Variants in FHIT observed in about 807,000 individuals in gnomAD.
FHIT encodes fragile histidine triad diadenosine triphosphatase.
A neutral mutation model predicts 17.9 loss-of-function variants in FHIT; 19 were observed. The observed-to-expected ratio is 1.06, with a 90% CI of 0.74 to 1.56. FHIT has a LOEUF of 1.56. Among genes scored for constraint, FHIT ranks in the 40% most tolerant of loss-of-function variants. The pLI, the probability that FHIT is intolerant of heterozygous loss-of-function variation, is 0.00. For missense variants in FHIT, 248 were observed against 189.2 expected, an observed-to-expected ratio of 1.31 and a Z score of -1.82; for synonymous variants, 81 against 69.7, an observed-to-expected ratio of 1.16 and a Z score of -0.81.
intron 5 of FHIT, among the ~76,000 whole-genome samples, chr3:60,435,669 G>A (rs549724095): frequency 6.6e-6 from 1 of 152,002 alleles, no homozygotes; most frequent in Non-Finnish European, 1.5e-5. Context: ...CTTTTATATT[G>A]TAAGTTAAGG....
intron 1 of FHIT, among the ~76,000 whole-genome samples, chr3:61,229,400 T>C (rs1182828596): frequency 1.3e-5 from 2 of 152,204 alleles, no homozygotes; most frequent in East Asian, 3.9e-4. Flanking sequence ...AGCATGGCCC[T>C]GCCAACACCT....
chr3:60,699,896 C>T (rs1332924397), intron 4 of FHIT, among the ~76,000 whole-genome samples: 6 of 151,928 alleles, frequency 3.9e-5, no homozygotes, highest in African/African-American at 9.7e-5. Context: ...GTAATCCCAA[C>T]ACTTTGGGAG....
At chr3:59,762,178 A>C (rs1308071522) in intron 8 of FHIT, among the ~76,000 whole-genome samples, 1 of 152,194 alleles carries the variant, frequency 6.6e-6, no homozygotes, top group African/African-American at 2.4e-5. Flanking sequence ...CATCCTGGCC[A>C]GGACAGAGTG....
chr3:59,922,319 C>T (rs753642641), intron 8 of FHIT, 27 bp downstream of exon 8: 1 of 1,579,362 alleles, frequency 6.3e-7, no homozygotes, highest in South Asian at 1.1e-5. Context: ...CGTGATCAAA[C>T]AATAAGATCA....
At chr3:60,429,494 G>A (rs1169825979) in intron 5 of FHIT, among the ~76,000 whole-genome samples, 1 of 151,976 alleles carries the variant, frequency 6.6e-6, no homozygotes, top group Non-Finnish European at 1.5e-5. Context: ...TGAGGGATGG[G>A]AAAACAAAAG....
At chr3:60,845,513 T>C (rs782471046) in intron 3 of FHIT, among the ~76,000 whole-genome samples, 1 of 152,150 alleles carries the variant, frequency 6.6e-6, no homozygotes, top group Non-Finnish European at 1.5e-5. Flanking sequence ...GTGTAATGCA[T>C]AAAATAGTTT....
At chr3:60,842,682 A>G (rs1316386017) in intron 3 of FHIT, among the ~76,000 whole-genome samples, 1 of 133,920 alleles carries the variant, frequency 7.5e-6, no homozygotes, top group Non-Finnish European at 1.6e-5. Flanking sequence ...TAGGCAAAGG[A>G]GACAGGCCTT....
intron 3 of FHIT, among the ~76,000 whole-genome samples, chr3:60,952,532 G>C (rs1343767199): frequency 6.6e-6 from 1 of 152,166 alleles, no homozygotes; most frequent in African/African-American, 2.4e-5. Context: ...CCAAAACATA[G>C]GGTAGTGAAG....
chr3:60,237,893 T>C (rs1037085499), intron 5 of FHIT, among the ~76,000 whole-genome samples: 5 of 152,094 alleles, frequency 3.3e-5, no homozygotes, highest in Non-Finnish European at 7.4e-5. Flanking sequence ...CCCAGTACTT[T>C]GGGAGGCCGA....
intron 5 of FHIT, among the ~76,000 whole-genome samples, chr3:60,345,739 T>C (rs73104946): frequency 0.15 from 22,541 of 152,220 alleles, 1,760 homozygotes; most frequent in Non-Finnish European, 0.16. Context: ...TATTGAATCT[T>C]GAATGACATC....
chr3:60,413,952 A>T lies in FHIT; in HGVS notation c.103+122908T>A, dbSNP rs566381332. 2.1e-4 allele frequency among the ~76,000 whole-genome samples: 32 copies of T among 152,346 alleles called. No homozygotes were observed. The East Asian group carries it at 5.2e-3, about 25-fold the overall frequency. Reference sequence around the variant, plus strand: ...TGGTTTTAGCAATTACAAAGCTTACAATCTAGTCAGAAAAACAGACAAAAT... The same window carrying T: ...TGGTTTTAGCAATTACAAAGCTTACTATCTAGTCAGAAAAACAGACAAAAT... On this transcript the variant is annotated intron_variant, in intron 5 of 9. Coordinates refer to ENST00000492590, the MANE Select transcript of FHIT (RefSeq NM_002012.4).
At chr3:60,485,556 A>G (rs1022945048) in intron 5 of FHIT, among the ~76,000 whole-genome samples, 1 of 152,132 alleles carries the variant, frequency 6.6e-6, no homozygotes, top group Non-Finnish European at 1.5e-5. Context: ...CAAAGAACAG[A>G]AAACCAAACA....
intron 3 of FHIT, among the ~76,000 whole-genome samples, chr3:60,994,671 C>T (rs553070239): frequency 2.0e-5 from 3 of 152,160 alleles, no homozygotes; most frequent in Non-Finnish European, 2.9e-5. Context: ...GAACCTGGAG[C>T]GGAAGGGACA....
chr3:60,293,484 C>T (rs1708076317), intron 5 of FHIT, among the ~76,000 whole-genome samples: 3 of 152,162 alleles, frequency 2.0e-5, no homozygotes, highest in Admixed American at 1.3e-4. Flanking sequence ...TCGACCTTCT[C>T]TGCCAGCAAA....
intron 4 of FHIT, among the ~76,000 whole-genome samples, chr3:60,630,934 T>TAAAAAAAAAA (rs1202134208): frequency 2.1e-5 from 2 of 93,396 alleles, no homozygotes; most frequent in Non-Finnish European, 4.2e-5. Context: ...CCCAGGTCAT[T>TAAAAAAAAAA]AAAAAAAAAA....
At chr3:61,185,911 T>C (rs180691352) in intron 2 of FHIT, among the ~76,000 whole-genome samples, 35 of 152,302 alleles carry the variant, frequency 2.3e-4, no homozygotes, top group African/African-American at 8.4e-4. Context: ...TTTAAATATA[T>C]AGACTGTGAT....
chr3:59,935,122 G>A (rs1252793437), intron 7 of FHIT, among the ~76,000 whole-genome samples: 1 of 152,138 alleles, frequency 6.6e-6, no homozygotes, highest in African/African-American at 2.4e-5. Flanking sequence ...AGACATGCAG[G>A]AGCTCAGAGG....
intron 5 of FHIT, among the ~76,000 whole-genome samples, chr3:60,097,156 A>G (rs1703986680): frequency 6.6e-6 from 1 of 151,964 alleles, no homozygotes; most frequent in South Asian, 2.1e-4. Flanking sequence ...AGCACCCCCA[A>G]ATTTTAGTCC....
intron 3 of FHIT, among the ~76,000 whole-genome samples, chr3:60,923,283 G>C (rs1707383577): frequency 6.6e-6 from 1 of 152,206 alleles, no homozygotes; most frequent in African/African-American, 2.4e-5. Context: ...CAAATGTTGT[G>C]TGTGTTTCAT....
Sources: gnomAD v4.1 joint callset for allele counts (sites outside exome capture counted in the v4.1 genomes callset) on GRCh38, gnomAD v4.1.1 for gene constraint, MANE v1.5 for transcripts, NCBI Gene and HGNC (gene_info 2026-07-23, HGNC 2026-07-21) for gene names.